Variants in UROC1 observed in about 807,000 individuals in gnomAD.
UROC1 encodes the protein urocanate hydratase.
Under a neutral mutation model 89.5 loss-of-function variants are expected in UROC1, and 79 were observed. That is an observed-to-expected ratio of 0.88 (90% CI 0.74 to 1.06). UROC1 has a LOEUF of 1.06. Among genes scored for constraint, UROC1 ranks in the 50% least tolerant of loss-of-function variants. The pLI, the probability that UROC1 is intolerant of heterozygous loss-of-function variation, is 0.00. For synonymous variants in UROC1, 361 were observed against 354.8 expected (o/e 1.02, Z -0.20); for missense variants, 885 against 907.8 (o/e 0.97, Z 0.32).
At chr3:126,513,404 C>G (rs919978082) in intron 1 of UROC1, among the ~76,000 whole-genome samples, 13 of 152,376 alleles carry the variant, frequency 8.5e-5, no homozygotes, top group African/African-American at 2.2e-4. Flanking sequence ...CAGCCAGGAG[C>G]TGCAGCCAGG....
At chr3:126,517,347 C>A (rs1456274406) in intron 1 of UROC1, among the ~76,000 whole-genome samples, 1 of 152,196 alleles carries the variant, frequency 6.6e-6, no homozygotes, top group Admixed American at 6.5e-5. Context: ...CACCAGTGAC[C>A]GGCTGCTGAC....
intron 2 of UROC1, among the ~76,000 whole-genome samples, 162 bp downstream of exon 2, chr3:126,510,502 C>T (rs779304859): frequency 5.9e-5 from 9 of 152,218 alleles, no homozygotes; most frequent in Admixed American, 5.2e-4. Flanking sequence ...CTCCGGCTCC[C>T]GAGGCGACGA....
intron 16 of UROC1, among the ~76,000 whole-genome samples, chr3:126,489,613 A>C (rs530367681): frequency 6.6e-6 from 1 of 152,332 alleles, no homozygotes; most frequent in South Asian, 2.1e-4. Context: ...CACCCTGTTC[A>C]GATAGGCACA....
rs1935855288 is a variant in UROC1 at position 126,499,351 on chromosome 3, C to T, written c.1302G>A (p.Val434=). Residue 434 remains valine (V), a synonymous_variant, in exon 13 of 20, where the codon GTG becomes GTA. Transcript: ENST00000290868. ...CCATCACTCACCCCATGATGTGCTG[C>T]ACATAGGAAGGGTAGCGGAACTCTG... ...GRTEFRYPSY[V]QHIMGDIFSQ... 2.5e-6 allele frequency: 4 copies of T among 1,611,744 alleles called. No homozygotes were observed. The Admixed American group carries it at 6.7e-5, about 27-fold the overall frequency.
At chr3:126,511,763 A>T (rs1243684363) in intron 1 of UROC1, among the ~76,000 whole-genome samples, 2 of 152,188 alleles carry the variant, frequency 1.3e-5, no homozygotes, top group Non-Finnish European at 2.9e-5. Context: ...GATTCTGGCA[A>T]TTTTTCCAAA....
At chr3:126,490,564 A>T (rs2107535572) in intron 16 of UROC1, among the ~76,000 whole-genome samples, 1 of 152,274 alleles carries the variant, frequency 6.6e-6, no homozygotes, top group East Asian at 1.9e-4. Context: ...GCACGCCTGT[A>T]ATCACAGCTC....
At chr3:126,507,599 G>T (rs1936094644) in intron 6 of UROC1, 143 bp downstream of exon 6, 2 of 865,546 alleles carry the variant, frequency 2.3e-6, no homozygotes, top group Non-Finnish European at 3.8e-6. Context: ...AAACTACTAG[G>T]GAATATGTAA....
rs1030329139 is a variant in UROC1 at position 126,505,700 on chromosome 3, C to T, written c.813+1G>A. On this transcript the variant is annotated splice_donor_variant, in intron 8 of 19. Transcript: ENST00000290868. LOFTEE classifies it high-confidence loss of function. ...CGAAGGCCAGGAGCCCCCCAGCTTACCTCTGCTATCACACCGATGCACCCC... is the reference window on the plus strand; with the variant it reads ...CGAAGGCCAGGAGCCCCCCAGCTTATCTCTGCTATCACACCGATGCACCCC... 6.2e-6 allele frequency: 10 copies of T among 1,613,644 alleles called. No individual in the cohort carries two copies. The highest frequency in any genetic ancestry group is 8.5e-6 in the Non-Finnish European group (10 of 1,179,962).
intron 9 of UROC1, 34 bp downstream of exon 9, chr3:126,503,961 T>C: frequency 6.2e-7 from 1 of 1,612,714 alleles, no homozygotes; most frequent in Middle Eastern, 1.7e-4. Context: ...ACGTGTCAGG[T>C]GTCAGGTGTC....
In UROC1 at chr3:126,482,232, G is replaced by A. The variant is rs921154011; in HGVS notation, c.*113C>T. 6 of 1,493,152 alleles carry A rather than the reference G, an allele frequency of 4.0e-6. No individual in the cohort carries two copies. The African/African-American group carries it at 8.2e-5, about 20-fold the overall frequency. 92.5% of individuals were successfully genotyped at this position (1,493,152 alleles called of 1,614,324 possible). On this transcript the variant is annotated 3_prime_UTR_variant, in exon 20 of 20. Coordinates refer to ENST00000290868, the MANE Select transcript of UROC1 (RefSeq NM_144639.3). Reference sequence around the variant, plus strand: ...ACAGGGCACCATAAGGGCCACGTGAGGATGTGCGAGAAGTGCAGGTAGTGC... The same window carrying A: ...ACAGGGCACCATAAGGGCCACGTGAAGATGTGCGAGAAGTGCAGGTAGTGC...
At chr3:126,492,345 A>C in intron 16 of UROC1, 73 bp downstream of exon 16, 1 of 1,428,442 alleles carries the variant, frequency 7.0e-7, no homozygotes. Context: ...AGGCACACGC[A>C]GGAAGGCCCA....
intron 18 of UROC1, 100 bp downstream of exon 18, chr3:126,488,098 G>A (rs2107533944): frequency 7.8e-7 from 1 of 1,284,188 alleles, no homozygotes; most frequent in Non-Finnish European, 1.1e-6. Context: ...GACCAGGGAG[G>A]TAGGGCCCAG....
rs1936360797 is a variant in UROC1, at chr3:126,517,715, G to T, written c.5C>A (p.Ser2Tyr). 6.4e-7 allele frequency: 1 copy of T among 1,574,010 alleles called. No individual in the cohort carries two copies. The highest frequency in any genetic ancestry group is 1.4e-5 in the African/African-American group (1 of 73,944). Reference sequence around the variant, plus strand: ...GCCAGAGCACAGCGCCTGGAGGCTAGACATGTGTGACTGAGATGGAGGCAG... The same window carrying T: ...GCCAGAGCACAGCGCCTGGAGGCTATACATGTGTGACTGAGATGGAGGCAG... Reference protein sequence around the residue: MSSLQALCSGLP... With the variant: MYSLQALCSGLP... Residue 2 changes from serine (S) to tyrosine (Y), a missense_variant, in exon 1 of 20, where the codon TCT (serine) becomes TAT (tyrosine). By Grantham distance (144) the Ser-to-Tyr change is moderately radical. Transcript: ENST00000290868.
At chr3:126,483,011 C>T (rs573109104) in intron 19 of UROC1, among the ~76,000 whole-genome samples, 13 of 152,312 alleles carry the variant, frequency 8.5e-5, no homozygotes, top group Non-Finnish European at 1.8e-4. Context: ...ATCCCCAGCT[C>T]CGCCAGAAGC....
At chr3:126,482,578 G>T in intron 19 of UROC1, 93 bp from the exon 20 acceptor site, 1 of 1,588,722 alleles carries the variant, frequency 6.3e-7, no homozygotes, top group Non-Finnish European at 8.6e-7. Context: ...TCTGCTTCGG[G>T]ACCTCTGAGG....
chr3:126,506,095 A>C (rs1188207188), intron 6 of UROC1, 84 bp from the exon 7 acceptor site: 12 of 1,474,064 alleles, frequency 8.1e-6, no homozygotes, highest in Non-Finnish European at 1.1e-5. Context: ...AGGAGGTTGA[A>C]AATTAGTATT....
At chr3:126,485,288 T>G (rs1350728657) in intron 18 of UROC1, among the ~76,000 whole-genome samples, 2 of 152,212 alleles carry the variant, frequency 1.3e-5, no homozygotes, top group African/African-American at 2.4e-5. Context: ...GCAGTTGTTA[T>G]TATTATGCTT....
At position 126,498,079 on chromosome 3, in the gene UROC1, A is replaced by C. The variant is rs1160737331; in HGVS notation, c.1410T>G (p.Ser470=). The change falls in exon 14 of 20, where the codon TCT becomes TCG. Residue 470 remains serine, a synonymous_variant. Transcript: ENST00000290868. ...DLAVTDELAT[S]VLEEAIADGV... ...CATCAGCAATGGCTTCCTCCAGCAC[A>C]GATGTGGCCAGTTCGTCTGTGACCG... 5 of 1,614,018 alleles carry C rather than the reference A, an allele frequency of 3.1e-6. No homozygotes were observed. Among genetic ancestry groups the C allele is most frequent in the Non-Finnish European group, 4.2e-6 (5 of 1,180,024 alleles).
At chr3:126,508,806 T>G (rs1410390141) in intron 3 of UROC1, among the ~76,000 whole-genome samples, 1 of 152,026 alleles carries the variant, frequency 6.6e-6, no homozygotes, top group African/African-American at 2.4e-5. Flanking sequence ...GTGGTCACAT[T>G]CTGGCAACAT....
Sources: allele counts gnomAD v4.1 joint callset (sites outside exome capture counted in the v4.1 genomes callset), GRCh38; gene constraint gnomAD v4.1.1; transcripts MANE v1.5; gene names NCBI Gene and HGNC (gene_info 2026-07-23, HGNC 2026-07-21).